The following ARHGAP44 variants were observed in gnomAD, a reference collection of about 807,000 sequenced individuals.
ARHGAP44 encodes Rho GTPase activating protein 44.
A neutral mutation model predicts 106.8 loss-of-function variants in ARHGAP44; 43 were observed. That is an observed-to-expected ratio of 0.40 (90% CI 0.32 to 0.52). The LOEUF is 0.52. ARHGAP44 is among the 20% of genes least tolerant of loss of function. The pLI, the probability that ARHGAP44 is intolerant of heterozygous loss-of-function variation, is 0.48. For missense variants in ARHGAP44, 866 were observed against 1,050.5 expected (o/e 0.82, Z 2.43); for synonymous variants, 439 against 410.3 (o/e 1.07, Z -0.85).
intron 13 of ARHGAP44, 22 bp from the exon 14 acceptor site, chr17:12,955,844 TG>T: frequency 6.6e-7 from 1 of 1,515,894 alleles, no homozygotes. Flanking sequence ...TGGTTAAACC[TG>T]GCCCTTCTAA....
At chr17:12,847,582 C>T (rs569832586) in intron 1 of ARHGAP44, among the ~76,000 whole-genome samples, 14 of 145,562 alleles carry the variant, frequency 9.6e-5, no homozygotes, top group Admixed American at 5.5e-4. Flanking sequence ...GGTGCGATCT[C>T]GGCTCACTGC....
At position 12,955,914 on chromosome 17, in the gene ARHGAP44, A is replaced by G; in HGVS notation, c.1184A>G (p.Asn395Ser). 1 of 1,613,588 alleles carries G rather than the reference A, an allele frequency of 6.2e-7. No homozygotes were observed. Among genetic ancestry groups the G allele is most frequent in the Non-Finnish European group, 8.5e-7 (1 of 1,179,812 alleles). ...AAGCTGTCAGAATATCAAGATGTAA[A>G]CAAGATGACTCCCAGTAATATGGCA... ...LSKLSEYQDV[N>S]KMTPSNMAIV... The change falls in exon 14 of 21, where the codon AAC becomes AGC. Residue 395 changes from asparagine to serine, a missense_variant. Asn to Ser is a conservative substitution (Grantham distance 46). Around this residue, in one of 2 missense-constraint regions of ARHGAP44, gnomAD observed 448 missense variants for 646.9 expected, o/e 0.69. Coordinates refer to ENST00000379672, the MANE Select transcript of ARHGAP44 (RefSeq NM_014859.6).
At chr17:12,981,920 A>T (rs2039842216) in intron 19 of ARHGAP44, among the ~76,000 whole-genome samples, 1 of 152,122 alleles carries the variant, frequency 6.6e-6, no homozygotes, top group Non-Finnish European at 1.5e-5. Flanking sequence ...CTGAGGCACA[A>T]GAATTGCTTG....
At chr17:12,948,059 G>C (rs2038898681) in intron 10 of ARHGAP44, among the ~76,000 whole-genome samples, 2 of 152,180 alleles carry the variant, frequency 1.3e-5, no homozygotes, top group African/African-American at 4.8e-5. Flanking sequence ...TCAGCCTGTG[G>C]GTTGCATTAC....
intron 8 of ARHGAP44, among the ~76,000 whole-genome samples, chr17:12,941,820 CA>C (rs1333367699): frequency 6.6e-6 from 1 of 151,742 alleles, no homozygotes; most frequent in Admixed American, 6.6e-5. Flanking sequence ...CAAAGCAAGT[CA>C]AAAAACTTCG....
At chr17:12,859,126 T>C (rs1161581913) in intron 1 of ARHGAP44, among the ~76,000 whole-genome samples, 1 of 152,128 alleles carries the variant, frequency 6.6e-6, no homozygotes, top group East Asian at 1.9e-4. Flanking sequence ...TGGATCCTTA[T>C]AAAAATGGGA....
rs540167117 is a variant in ARHGAP44 at position 12,816,382 on chromosome 17, C to G, written c.53+26491C>G. Among the ~76,000 whole-genome samples the G allele has an allele frequency of 2.0e-5, 3 of 152,162 alleles. No individual in the cohort carries two copies. In the East Asian group the frequency reaches 5.8e-4, roughly 29 times the overall value. On this transcript the variant is annotated intron_variant, in intron 1 of 20. Transcript: ENST00000379672. ...GCCACACAAGCTTTTAGGACAAAAT[C>G]AGTGGACACTTAAATTAATTTGAGT...
intron 1 of ARHGAP44, among the ~76,000 whole-genome samples, chr17:12,800,491 A>G (rs921541192): frequency 3.3e-5 from 5 of 152,204 alleles, no homozygotes; most frequent in East Asian, 1.9e-4. Flanking sequence ...GGTTCCACAC[A>G]TGGTGCAGTG....
At chr17:12,894,891 G>A (rs148950429) in intron 1 of ARHGAP44, 49 bp from the exon 2 acceptor site, 3 of 1,520,874 alleles carry the variant, frequency 2.0e-6, no homozygotes, top group African/African-American at 2.7e-5. Flanking sequence ...TAATTATGAG[G>A]CTCTGTTGTT....
chr17:12,870,462 C>T (rs2036377639), intron 1 of ARHGAP44, among the ~76,000 whole-genome samples: 1 of 152,150 alleles, frequency 6.6e-6, no homozygotes, highest in South Asian at 2.1e-4. Flanking sequence ...GGATGAGCAT[C>T]CCTATTTCCA....
intron 1 of ARHGAP44, among the ~76,000 whole-genome samples, chr17:12,794,095 A>G (rs1342974556): frequency 1.3e-5 from 2 of 152,166 alleles, no homozygotes; most frequent in African/African-American, 2.4e-5. Flanking sequence ...TGATGGCAGC[A>G]TTTTTCTTTT....
At chr17:12,878,946 C>T (rs2036636259) in intron 1 of ARHGAP44, among the ~76,000 whole-genome samples, 1 of 152,178 alleles carries the variant, frequency 6.6e-6, no homozygotes. Flanking sequence ...CTTTTATCAG[C>T]TATGTAGCTG....
At chr17:12,926,470 TATATA>T (rs1280770817) in intron 6 of ARHGAP44, among the ~76,000 whole-genome samples, 4 of 108,432 alleles carry the variant, frequency 3.7e-5, no homozygotes, top group Non-Finnish European at 3.8e-5. Context: ...ATATATAATA[TATATA>T]ATATATATGT....
At chr17:12,831,105 A>G (rs532328810) in intron 1 of ARHGAP44, among the ~76,000 whole-genome samples, 8 of 152,216 alleles carry the variant, frequency 5.3e-5, no homozygotes, top group African/African-American at 1.2e-4. Context: ...AGTGTTTACT[A>G]TGCTCCAGAA....
At chr17:12,960,382 A>G (rs1169091539) in intron 16 of ARHGAP44, among the ~76,000 whole-genome samples, 2 of 151,996 alleles carry the variant, frequency 1.3e-5, no homozygotes, top group African/African-American at 4.8e-5. Flanking sequence ...CCTGACCAAC[A>G]TGGTGAAACC....
chr17:12,975,585 T>C lies in ARHGAP44; in HGVS notation c.1763+1275T>C, dbSNP rs916933867. Among the ~76,000 whole-genome samples the C allele has an allele frequency of 2.0e-5, 3 of 151,646 alleles. No homozygotes were observed. The South Asian group carries it at 6.2e-4, about 32-fold the overall frequency. On this transcript the variant is annotated intron_variant, in intron 18 of 20. Transcript: ENST00000379672. ...AGGCCGAGGCGGGTGGATCACGAGG[T>C]CAGGAGATCGAGACCATCCTGGCTA...
chr17:12,881,626 T>A (rs1243684106), intron 1 of ARHGAP44, among the ~76,000 whole-genome samples: 1 of 152,218 alleles, frequency 6.6e-6, no homozygotes, highest in Non-Finnish European at 1.5e-5. Flanking sequence ...TTATTCTACT[T>A]AAGGATAATC....
intron 1 of ARHGAP44, among the ~76,000 whole-genome samples, chr17:12,816,955 C>T (rs2034615832): frequency 6.6e-6 from 1 of 152,132 alleles, no homozygotes; most frequent in Non-Finnish European, 1.5e-5. Flanking sequence ...ATAAGATATA[C>T]AGAGGATACA....
chr17:12,842,414 C>CA (rs558245390), intron 1 of ARHGAP44, among the ~76,000 whole-genome samples: 918 of 55,560 alleles, frequency 0.017, 6 homozygotes, highest in Non-Finnish European at 0.028. Context: ...GAGACCATCT[C>CA]AAAAAAAAAA....
Sources: allele counts gnomAD v4.1 joint callset (sites outside exome capture counted in the v4.1 genomes callset), GRCh38; gene constraint gnomAD v4.1.1; regional missense constraint gnomAD v4.1.1; transcripts MANE v1.5; gene names NCBI Gene and HGNC (gene_info 2026-07-23, HGNC 2026-07-21).